Variants in AGMO observed in about 807,000 individuals in gnomAD.
The protein encoded by AGMO is alkylglycerol monooxygenase.
AGMO carries 75 observed loss-of-function variants against 60.2 expected under a neutral mutation model. The ratio of observed to expected loss-of-function variants is 1.25; its 90% CI spans 1.03 to 1.51. The LOEUF is 1.51. Among genes scored for constraint, AGMO ranks in the 40% most tolerant of loss-of-function variants. AGMO has a pLI of 0.00. For synonymous variants in AGMO, 261 were observed against 177.1 expected (o/e 1.47, Z -3.76); for missense variants, 763 against 525.5 (o/e 1.45, Z -4.42).
chr7:15,534,745 G>A (rs1475596264), intron 3 of AGMO, among the ~76,000 whole-genome samples: 1 of 151,544 alleles, frequency 6.6e-6, no homozygotes. Flanking sequence ...TCTTTATAAG[G>A]TCCTTTATGA....
intron 5 of AGMO, among the ~76,000 whole-genome samples, chr7:15,398,423 G>T (rs62439263): frequency 6.6e-6 from 1 of 152,050 alleles, no homozygotes; most frequent in African/African-American, 2.4e-5. Flanking sequence ...TTTCCTGGTA[G>T]TGCCTATGAG....
intron 12 of AGMO, among the ~76,000 whole-genome samples, chr7:15,346,242 A>G (rs1230780603): frequency 6.6e-6 from 1 of 152,162 alleles, no homozygotes; most frequent in Non-Finnish European, 1.5e-5. Flanking sequence ...TAAGCATTAC[A>G]TGGACTCTAC....
the AGMO span, among the ~76,000 whole-genome samples, chr7:15,145,562 G>A: frequency 1.3e-5 from 2 of 151,868 alleles, no homozygotes; most frequent in South Asian, 4.2e-4. Flanking sequence ...CAGTATTATC[G>A]GTAATTGTTT....
chr7:15,411,579 T>A (rs1283658850), intron 5 of AGMO, among the ~76,000 whole-genome samples: 1 of 152,064 alleles, frequency 6.6e-6, no homozygotes, highest in Non-Finnish European at 1.5e-5. Flanking sequence ...AAAGTTTTTA[T>A]AATCATAGTA....
chr7:15,526,869 T>C (rs1356577271), intron 3 of AGMO, among the ~76,000 whole-genome samples: 2 of 152,146 alleles, frequency 1.3e-5, no homozygotes, highest in Non-Finnish European at 2.9e-5. Context: ...TATTTCAAAC[T>C]TTTTCATTAT....
chr7:15,434,068 C>A (rs1305705584), intron 3 of AGMO, among the ~76,000 whole-genome samples: 2 of 151,948 alleles, frequency 1.3e-5, no homozygotes, highest in Non-Finnish European at 2.9e-5. Context: ...AGATACAGAA[C>A]AATTTTATTA....
At chr7:15,269,646 G>A (rs1783536325) in intron 12 of AGMO, among the ~76,000 whole-genome samples, 1 of 152,228 alleles carries the variant, frequency 6.6e-6, no homozygotes, top group African/African-American at 2.4e-5. Flanking sequence ...GGTGGTACAT[G>A]TGCAAGTTTG....
chr7:15,197,071 T>G (rs569451812), downstream of AGMO, among the ~76,000 whole-genome samples: 4 of 152,022 alleles, frequency 2.6e-5, no homozygotes, highest in East Asian at 7.8e-4. Context: ...TTTTTTCCAC[T>G]GAGGCAGGCT....
chr7:15,550,018 A>G (rs1225411484), intron 2 of AGMO, among the ~76,000 whole-genome samples: 4 of 152,126 alleles, frequency 2.6e-5, no homozygotes, highest in Non-Finnish European at 5.9e-5. Flanking sequence ...AATCTCACTC[A>G]AAACCGCTCA....
chr7:15,530,348 C>T (rs907302614), intron 3 of AGMO, among the ~76,000 whole-genome samples: 3 of 97,904 alleles, frequency 3.1e-5, no homozygotes, highest in South Asian at 3.4e-4. Flanking sequence ...ATTCTATATA[C>T]GTATTTCTAT....
At chr7:15,389,120 T>A (rs1308641446) in intron 8 of AGMO, among the ~76,000 whole-genome samples, 2 of 152,186 alleles carry the variant, frequency 1.3e-5, no homozygotes, top group African/African-American at 4.8e-5. Flanking sequence ...TCCCAAAGCC[T>A]TGCTTCTGAA....
chr7:15,476,686 C>G (rs1040648858), intron 3 of AGMO, among the ~76,000 whole-genome samples: 2 of 152,036 alleles, frequency 1.3e-5, no homozygotes, highest in Non-Finnish European at 2.9e-5. Context: ...CTTCTATCAG[C>G]TTTGAAAGTT....
chr7:15,173,687 T>C, the AGMO span, among the ~76,000 whole-genome samples: 2 of 152,004 alleles, frequency 1.3e-5, no homozygotes, highest in African/African-American at 2.4e-5. Flanking sequence ...ATATGGTTAA[T>C]AGAAAATGGG....
At chr7:15,133,129 A>G in the AGMO span, among the ~76,000 whole-genome samples, 3 of 152,298 alleles carry the variant, frequency 2.0e-5, no homozygotes, top group African/African-American at 7.2e-5. Context: ...CAAATTAGCT[A>G]TTTAGCTTTT....
intron 12 of AGMO, among the ~76,000 whole-genome samples, chr7:15,321,882 C>A (rs1161087613): frequency 6.6e-6 from 1 of 151,948 alleles, no homozygotes; most frequent in Admixed American, 6.6e-5. Context: ...CTCTTCAGAG[C>A]CCTAAATCTT....
the AGMO span, among the ~76,000 whole-genome samples, chr7:15,177,086 T>C: frequency 2.7e-5 from 4 of 146,342 alleles, no homozygotes; most frequent in Non-Finnish European, 6.2e-5. Context: ...ATCTGATGCT[T>C]TTAAAATAAG....
chr7:15,504,603 C>T (rs761890674), intron 3 of AGMO, among the ~76,000 whole-genome samples: 3 of 151,832 alleles, frequency 2.0e-5, no homozygotes, highest in Non-Finnish European at 4.4e-5. Flanking sequence ...CATGAACTTC[C>T]GGAGGAATTG....
intron 12 of AGMO, among the ~76,000 whole-genome samples, chr7:15,319,525 G>A (rs1476629494): frequency 6.6e-6 from 1 of 152,124 alleles, no homozygotes; most frequent in African/African-American, 2.4e-5. Context: ...TGGAGAAAAA[G>A]TCTCATGTGT....
At chr7:15,156,423 T>G in the AGMO span, among the ~76,000 whole-genome samples, 1 of 152,132 alleles carries the variant, frequency 6.6e-6, no homozygotes, top group Non-Finnish European at 1.5e-5. Context: ...TCTATCCAGT[T>G]CCAGCAGCCA....
Sources: gnomAD v4.1 joint callset for allele counts (sites outside exome capture counted in the v4.1 genomes callset) on GRCh38, gnomAD v4.1.1 for gene constraint, MANE v1.5 for transcripts, NCBI Gene and HGNC (gene_info 2026-07-23, HGNC 2026-07-21) for gene names.